Variants in GLIS3 observed in about 807,000 individuals in gnomAD.
GLIS3 encodes zinc finger protein GLIS3.
Under a neutral mutation model 78.6 loss-of-function variants are expected in GLIS3, and 53 were observed. The ratio of observed to expected loss-of-function variants is 0.67; its 90% CI spans 0.54 to 0.85. GLIS3 has a LOEUF of 0.85. Ranked by LOEUF, GLIS3 falls within the 40% of genes least tolerant of loss-of-function variation. The probability of loss-of-function intolerance (pLI) is 0.00; values close to 1 mark genes in which losing one functional copy is unlikely to be tolerated. For synonymous variants in GLIS3, 684 were observed against 509.9 expected, an observed-to-expected ratio of 1.34 and a Z score of -4.60; for missense variants, 1,703 against 1,231.1, an observed-to-expected ratio of 1.38 and a Z score of -5.74.
At chr9:4,406,232 G>C in the GLIS3 span, among the ~76,000 whole-genome samples, 1 of 152,086 alleles carries the variant, frequency 6.6e-6, no homozygotes, top group Non-Finnish European at 1.5e-5. Context: ...ATAGCAATCA[G>C]ATAAGAGAAA....
intron 2 of GLIS3, among the ~76,000 whole-genome samples, chr9:4,207,758 G>C (rs1385775858): frequency 1.3e-5 from 2 of 152,164 alleles, no homozygotes; most frequent in African/African-American, 2.4e-5. Context: ...GGGGAACCCA[G>C]AACAGGCAGC....
intron 2 of GLIS3, among the ~76,000 whole-genome samples, chr9:4,196,725 CT>C (rs1563738044): frequency 6.6e-6 from 1 of 152,216 alleles, no homozygotes; most frequent in Non-Finnish European, 1.5e-5. Context: ...TTTTTAAGAA[CT>C]GTAACACTCA....
At chr9:4,472,599 G>A in the GLIS3 span, among the ~76,000 whole-genome samples, 1 of 143,552 alleles carries the variant, frequency 7.0e-6, no homozygotes, top group Non-Finnish European at 1.5e-5. Flanking sequence ...ATACACGGGG[G>A]CCTGTCATGG....
intron 2 of GLIS3, among the ~76,000 whole-genome samples, chr9:4,189,118 T>C (rs1341108072): frequency 6.6e-6 from 1 of 151,510 alleles, no homozygotes; most frequent in Non-Finnish European, 1.5e-5. Context: ...TTTCCTGCTT[T>C]CTCTTGTGGG....
chr9:3,961,764 A>T lies in GLIS3; in HGVS notation c.1711-24575T>A, dbSNP rs144384299. Among the ~76,000 whole-genome samples the T allele has an allele frequency of 3.5e-3, 540 of 152,338 alleles. 5 individuals carry two copies. Among genetic ancestry groups the T allele is most frequent in the Admixed American group, 8.0e-3 (122 of 15,298 alleles). ...CTATTAATTTCAAAAAGTTGAGGGG[A>T]TCTTCGCTGACTACCAATCAAGCAT... On this transcript the variant is annotated intron_variant, in intron 4 of 10. Transcript: ENST00000381971.
chr9:3,842,467 G>C (rs1421584284), intron 9 of GLIS3, among the ~76,000 whole-genome samples: 1 of 152,150 alleles, frequency 6.6e-6, no homozygotes, highest in Admixed American at 6.5e-5. Context: ...GCAAGACTCT[G>C]TCTCAAAAAG....
At chr9:4,192,826 A>T (rs1586932908) in intron 2 of GLIS3, among the ~76,000 whole-genome samples, 1 of 152,028 alleles carries the variant, frequency 6.6e-6, no homozygotes, top group African/African-American at 2.4e-5. Flanking sequence ...AAAAAAGAAG[A>T]AGAAGAAAGG....
intron 4 of GLIS3, among the ~76,000 whole-genome samples, chr9:4,058,699 CA>C (rs1385123543): frequency 2.0e-5 from 3 of 151,996 alleles, no homozygotes; most frequent in Non-Finnish European, 4.4e-5. Context: ...GTAAAAGAAC[CA>C]TAGAGTGCGG....
the GLIS3 span, among the ~76,000 whole-genome samples, chr9:4,399,661 TTCC>T: frequency 3.3e-5 from 5 of 152,218 alleles, no homozygotes; most frequent in African/African-American, 4.8e-5. Context: ...GTTATTTTTT[TTCC>T]TCAAGACTTT....
chr9:4,191,166 C>A (rs959988314), intron 2 of GLIS3, among the ~76,000 whole-genome samples: 1 of 150,024 alleles, frequency 6.7e-6, no homozygotes, highest in Admixed American at 6.7e-5. Context: ...ATGACAGGAT[C>A]AAATTCACAC....
rs563371223 is a variant in GLIS3 at position 3,910,485 on chromosome 9, G to C, written c.1984-11650C>G. 1.4e-4 allele frequency among the ~76,000 whole-genome samples: 21 copies of C among 152,322 alleles called. No individual in the cohort carries two copies. In the East Asian group the frequency reaches 3.9e-3, roughly 28 times the overall value. ...TTGCTTCAGCCTCCTAAGTAGCTGA[G>C]ACCACAGGCATGGGCCACCACATCC... On this transcript the variant is annotated intron_variant, in intron 6 of 10. Coordinates refer to ENST00000381971, the MANE Select transcript of GLIS3 (RefSeq NM_001042413.2).
chr9:4,344,302 G>A (rs10814945), intron 2 of GLIS3, among the ~76,000 whole-genome samples: 146,103 of 152,244 alleles, frequency 0.96, 70,401 homozygotes, highest in East Asian at 1. Context: ...AATGACCTCC[G>A]TATTGGTAAA....
chr9:4,458,343 T>C, the GLIS3 span, among the ~76,000 whole-genome samples: 7 of 152,204 alleles, frequency 4.6e-5, no homozygotes, highest in East Asian at 1.3e-3. Flanking sequence ...CAAGGAGCTC[T>C]TGTGGTGTGG....
At chr9:4,332,992 T>C (rs369146311) in intron 2 of GLIS3, among the ~76,000 whole-genome samples, 2 of 152,366 alleles carry the variant, frequency 1.3e-5, no homozygotes, top group South Asian at 2.1e-4. Context: ...TTTTATAGCA[T>C]TGAGTGCTTA....
intron 4 of GLIS3, among the ~76,000 whole-genome samples, chr9:4,040,387 T>C: frequency 6.6e-6 from 1 of 152,128 alleles, no homozygotes; most frequent in East Asian, 1.9e-4. Context: ...TGAAAATGGC[T>C]GTTAGGTTTT....
intron 4 of GLIS3, among the ~76,000 whole-genome samples, chr9:4,032,344 A>G (rs1289677631): frequency 6.6e-6 from 1 of 152,224 alleles, no homozygotes; most frequent in Non-Finnish European, 1.5e-5. Flanking sequence ...TTTGGTCCTT[A>G]GCAGCGTAAT....
Position 4,003,887 on chromosome 9 carries a change from A to G in GLIS3, c.1711-66698T>C, listed in dbSNP as rs575391762. 9.2e-5 allele frequency among the ~76,000 whole-genome samples: 14 copies of G among 152,316 alleles called. No individual in the cohort carries two copies. The South Asian group carries it at 2.9e-3, about 32-fold the overall frequency. On this transcript the variant is annotated intron_variant, in intron 4 of 10. Coordinates refer to ENST00000381971, the MANE Select transcript of GLIS3 (RefSeq NM_001042413.2). ...CCCTATGAGATTTGAGATTTGTTAA[A>G]TTTATTTGGTAAATCTTTCGTGGTT... is the stretch of plus-strand genomic sequence containing the variant.
chr9:4,091,460 A>G (rs1829494293), intron 4 of GLIS3, among the ~76,000 whole-genome samples: 1 of 152,212 alleles, frequency 6.6e-6, no homozygotes, highest in Non-Finnish European at 1.5e-5. Flanking sequence ...AAAAATAAAA[A>G]CAATAATAAT....
At chr9:4,437,996 G>A in the GLIS3 span, among the ~76,000 whole-genome samples, 2 of 152,024 alleles carry the variant, frequency 1.3e-5, no homozygotes, top group Admixed American at 1.3e-4. Flanking sequence ...AAGTTCTCAG[G>A]GAGTCAAAAG....
Sources: allele counts gnomAD v4.1 joint callset (sites outside exome capture counted in the v4.1 genomes callset), GRCh38; gene constraint gnomAD v4.1.1; transcripts MANE v1.5; gene names NCBI Gene and HGNC (gene_info 2026-07-23, HGNC 2026-07-21).